The following WDR33 variants were observed in gnomAD, a reference collection of about 807,000 sequenced individuals.
WDR33 encodes pre-mRNA 3' end processing protein WDR33.
In WDR33, 47 loss-of-function variants were observed where a neutral mutation model predicts 164.9. The observed-to-expected ratio is 0.29, with a 90% CI of 0.23 to 0.36. WDR33 has a LOEUF of 0.36. Among genes scored for constraint, WDR33 ranks in the 10% least tolerant of loss-of-function variants. The pLI is 1.00. For missense variants in WDR33, 1,137 were observed against 1,754.1 expected, an observed-to-expected ratio of 0.65 and a Z score of 6.28; for synonymous variants, 505 against 589.0, an observed-to-expected ratio of 0.86 and a Z score of 2.06.
Position 127,702,055 on chromosome 2 carries a change from A to G in WDR33, c.*4268T>C. On this transcript the variant is annotated 3_prime_UTR_variant, in exon 22 of 22. Transcript: ENST00000322313. ...CTCACGGTGCTGGGCGCGGGCGCGC[A>G]GGTGGCCGCGCTGCTGGCCGCGCTG... 8.2e-7 allele frequency: 1 copy of G among 1,225,488 alleles called. No homozygotes were observed. Among genetic ancestry groups the G allele is most frequent in the Non-Finnish European group, 1.0e-6 (1 of 985,644 alleles). The allele number at this position is 1,225,488 out of a possible 1,614,324, so 75.9% of individuals were successfully genotyped here. A position where few individuals can be genotyped will look rare whatever the true frequency, so the allele number is the denominator to read the frequency against.
At position 127,735,712 on chromosome 2, in the gene WDR33, G is replaced by C; in HGVS notation, c.725-8935C>G. 1.0e-6 allele frequency: 1 copy of C among 985,700 alleles called. No homozygotes were observed. The highest frequency in any genetic ancestry group is 1.2e-6 in the Non-Finnish European group (1 of 829,928). The allele number at this position is 985,700 out of a possible 1,614,324, so 61.1% of individuals were successfully genotyped here. A position where few individuals can be genotyped will look rare whatever the true frequency, so the allele number is the denominator to read the frequency against. ...TATGAGTACCCATGGCCCATAGCCAGATACTCCAGTTGGACAGAGGATTTA... is the reference window on the plus strand; with the variant it reads ...TATGAGTACCCATGGCCCATAGCCACATACTCCAGTTGGACAGAGGATTTA... On this transcript the variant is annotated intron_variant, in intron 7 of 21. Coordinates refer to ENST00000322313, the MANE Select transcript of WDR33 (RefSeq NM_018383.5). This position sits in a 1 kb window ranked among gnomAD's most constrained non-coding sequence, Gnocchi z 4.3.
chr2:127,722,555 T>G lies in WDR33; in HGVS notation c.1518+36A>C. On this transcript the variant is annotated intron_variant, in intron 14 of 21. Coordinates refer to ENST00000322313, the MANE Select transcript of WDR33 (RefSeq NM_018383.5). The surrounding 1 kb of genome is among the most constrained non-coding windows in gnomAD (Gnocchi z 5.1). ...AACCTCAAACTAACCAACCAAAACC[T>G]CTCTGCGTGGATGAGGTGGAGTCAC... The G allele has an allele frequency of 6.2e-7, 1 of 1,603,504 alleles. No homozygotes were observed. The highest frequency in any genetic ancestry group is 8.5e-7 in the Non-Finnish European group (1 of 1,175,924).
intron 1 of WDR33, among the ~76,000 whole-genome samples, chr2:127,795,430 A>G (rs1399163243): frequency 6.6e-6 from 1 of 151,868 alleles, no homozygotes; most frequent in African/African-American, 2.4e-5. Context: ...TGAAGGTCCT[A>G]ATACCCTGAT....
chr2:127,756,874 G>A (rs1442124765), intron 7 of WDR33, among the ~76,000 whole-genome samples: 1 of 152,020 alleles, frequency 6.6e-6, no homozygotes, highest in Non-Finnish European at 1.5e-5. Flanking sequence ...CTGAGATCAA[G>A]AGACCAGCCT....
Position 127,722,699 on chromosome 2 carries a change from T to A in WDR33, c.1410A>T (p.Thr470=), listed in dbSNP as rs756995999. 2.5e-6 allele frequency: 4 copies of A among 1,613,976 alleles called. No individual in the cohort carries two copies. Among genetic ancestry groups the A allele is most frequent in the Non-Finnish European group, 3.4e-6 (4 of 1,180,004 alleles). The change falls in exon 14 of 22, where the codon ACA becomes ACT. Residue 470 remains threonine (T), a synonymous_variant. Transcript: ENST00000322313. The surrounding 1 kb of genome is among the most constrained non-coding windows in gnomAD (Gnocchi z 5.1). ...CCATTCCCCAATCTAAACCTGGAAT[T>A]GTCATTTCAATTTCATTTGATTCAT... ...GKDESNEIEM[T]IPGLDWGMEE...
In WDR33 at chr2:127,751,743, G is replaced by A. The variant is rs1421817709; in HGVS notation, c.724+11319C>T. 3.9e-5 allele frequency among the ~76,000 whole-genome samples: 6 copies of A among 152,266 alleles called. No homozygotes were observed. The South Asian group carries it at 8.3e-4, about 21-fold the overall frequency. On this transcript the variant is annotated intron_variant, in intron 7 of 21. Transcript: ENST00000322313. The stretch of plus-strand genomic sequence containing the variant: ...AGAAAGAACATTAAAACTGAGTGCT[G>A]TACTATACGACCTCAAGAAAGGAGC...
rs1472035285 is a variant in WDR33 at position 127,738,705 on chromosome 2, T to C, written c.725-11928A>G. 6.6e-6 allele frequency among the ~76,000 whole-genome samples: 1 copy of C among 152,198 alleles called. No homozygotes were observed. The highest frequency in any genetic ancestry group is 1.5e-5 in the Non-Finnish European group (1 of 68,026). ...GTCTAATCATGAGAGAAATAGTAGATAAATCACAACTGAGGGACATTCTGC... is the reference window on the plus strand; with the variant it reads ...GTCTAATCATGAGAGAAATAGTAGACAAATCACAACTGAGGGACATTCTGC... On this transcript the variant is annotated intron_variant, in intron 7 of 21. Coordinates refer to ENST00000322313, the MANE Select transcript of WDR33 (RefSeq NM_018383.5). This position sits in a 1 kb window ranked among gnomAD's most constrained non-coding sequence, Gnocchi z 4.4.
chr2:127,764,694 A>G lies in WDR33; in HGVS notation c.626+134T>C. The stretch of plus-strand genomic sequence containing the variant: ...GGTGAATGTGTGAAAACAAAGAAAA[A>G]TATTGTGTTTATAGGGTGCAGAAAG... On this transcript the variant is annotated intron_variant, in intron 6 of 21. Coordinates refer to ENST00000322313, the MANE Select transcript of WDR33 (RefSeq NM_018383.5). The surrounding 1 kb of genome is among the most constrained non-coding windows in gnomAD (Gnocchi z 6.2). 3 of 1,608,072 alleles carry G rather than the reference A, an allele frequency of 1.9e-6. No individual in the cohort carries two copies. Among genetic ancestry groups the G allele is most frequent in the Non-Finnish European group, 2.5e-6 (3 of 1,176,726 alleles).
At chr2:127,711,200 A>G (rs1326454971) in intron 18 of WDR33, among the ~76,000 whole-genome samples, 1 of 152,080 alleles carries the variant, frequency 6.6e-6, no homozygotes, top group Non-Finnish European at 1.5e-5. Flanking sequence ...CGAGGCAGGC[A>G]GATCACTTGA....
chr2:127,743,882 T>C (rs1687095747), intron 7 of WDR33, among the ~76,000 whole-genome samples: 1 of 152,198 alleles, frequency 6.6e-6, no homozygotes, highest in African/African-American at 2.4e-5. Flanking sequence ...CAGACAGATA[T>C]ACCAAAATAC....
At chr2:127,730,663 T>C (rs556800519) in intron 7 of WDR33, among the ~76,000 whole-genome samples, 89 of 147,720 alleles carry the variant, frequency 6.0e-4, no homozygotes, top group Non-Finnish European at 1.2e-3. Context: ...AAACTATACA[T>C]ATACATACAC....
intron 1 of WDR33, among the ~76,000 whole-genome samples, chr2:127,785,487 C>G (rs149261083): frequency 1.3e-5 from 2 of 152,206 alleles, no homozygotes; most frequent in Admixed American, 6.5e-5. Flanking sequence ...CTTCCCTCCC[C>G]CAAGCTCCTG....
Position 127,701,394 on chromosome 2 carries a change from G to C in WDR33, c.*4929C>G, listed in dbSNP as rs1204806997. 2.2e-5 allele frequency: 19 copies of C among 878,250 alleles called. No homozygotes were observed. Among genetic ancestry groups the C allele is most frequent in the Non-Finnish European group, 2.8e-5 (19 of 669,000 alleles). 54.4% of individuals were successfully genotyped at this position (878,250 alleles called of 1,614,324 possible). A position where few individuals can be genotyped will look rare whatever the true frequency, so the allele number is the denominator to read the frequency against. On this transcript the variant is annotated 3_prime_UTR_variant, in exon 22 of 22. Transcript: ENST00000322313. ...CACAAAAGTCCGCAGAGCAGGCACC[G>C]CGGCACTTCCGCGAGCGCCGCAGGC...
chr2:127,711,879 T>A (rs1184584503), intron 18 of WDR33, among the ~76,000 whole-genome samples: 1 of 149,620 alleles, frequency 6.7e-6, no homozygotes, highest in Non-Finnish European at 1.5e-5. Flanking sequence ...TTCAGACGAT[T>A]CTCCTGCCTC....
intron 1 of WDR33, among the ~76,000 whole-genome samples, chr2:127,778,706 A>G (rs7608627): frequency 0.48 from 72,775 of 151,954 alleles, 18,498 homozygotes; most frequent in African/African-American, 0.64. Context: ...AATTCTGAGT[A>G]AAGTGAGGGA....
chr2:127,776,469 A>G (rs1688187491), intron 1 of WDR33, among the ~76,000 whole-genome samples: 1 of 152,204 alleles, frequency 6.6e-6, no homozygotes, highest in Non-Finnish European at 1.5e-5. Context: ...CTGTAATCCT[A>G]GCACTTTGGG....
At chr2:127,768,896 G>A (rs201292933) in intron 3 of WDR33, 37 bp downstream of exon 3, 44 of 1,502,900 alleles carry the variant, frequency 2.9e-5, no homozygotes, top group East Asian at 2.6e-4. Flanking sequence ...AAGCAAGGAA[G>A]TGTTTATTAA....
rs909639844 is a variant in WDR33 at position 127,783,627 on chromosome 2, G to A, written c.-23-12623C>T. Among the ~76,000 whole-genome samples the A allele has an allele frequency of 6.3e-4, 40 of 63,348 alleles. No individual in the cohort carries two copies. In the South Asian group the frequency reaches 0.018, roughly 29 times the overall value. The allele number at this position is 63,348 out of a possible 152,430, so 41.6% of individuals were successfully genotyped here. A position where few individuals can be genotyped will look rare whatever the true frequency, so the allele number is the denominator to read the frequency against. Reference sequence around the variant, plus strand: ...TTTTTTTTTTTTTTTTTTTTTTTGAGACAGTCTCGCTCTGGTGCCCAGGCT... The same window carrying A: ...TTTTTTTTTTTTTTTTTTTTTTTGAAACAGTCTCGCTCTGGTGCCCAGGCT... On this transcript the variant is annotated intron_variant, in intron 1 of 21. Coordinates refer to ENST00000322313, the MANE Select transcript of WDR33 (RefSeq NM_018383.5).
In WDR33 at chr2:127,710,462, C is replaced by T. The variant is rs183176187; in HGVS notation, c.3309-606G>A. On this transcript the variant is annotated intron_variant, in intron 18 of 21. Coordinates refer to ENST00000322313, the MANE Select transcript of WDR33 (RefSeq NM_018383.5). This position sits in a 1 kb window ranked among gnomAD's most constrained non-coding sequence, Gnocchi z 4.4. ...ACAGCCTCCACCCAGGGGCAGGCCT[C>T]CATGACCACGAGTGGCACTCATGGC... 6.6e-6 allele frequency among the ~76,000 whole-genome samples: 1 copy of T among 152,272 alleles called. No homozygotes were observed. The highest frequency in any genetic ancestry group is 1.5e-5 in the Non-Finnish European group (1 of 68,018).
Sources: gnomAD v4.1 joint callset for allele counts (sites outside exome capture counted in the v4.1 genomes callset) on GRCh38, gnomAD v4.1.1 for gene constraint, Gnocchi (gnomAD v3.1) non-coding constraint, MANE v1.5 for transcripts, NCBI Gene and HGNC (gene_info 2026-07-23, HGNC 2026-07-21) for gene names.